FAF1: variants seen among roughly 807,000 people sequenced by gnomAD.
FAF1 encodes the protein Fas associated factor 1.
In FAF1, 25 loss-of-function variants were observed where a neutral mutation model predicts 92.5. The observed-to-expected ratio is 0.27, with a 90% CI of 0.20 to 0.38. The LOEUF is 0.38. Among genes scored for constraint, FAF1 ranks in the 10% least tolerant of loss-of-function variants. FAF1 has a pLI of 1.00. For missense variants in FAF1, 636 were observed against 793.3 expected, an observed-to-expected ratio of 0.80 and a Z score of 2.38; for synonymous variants, 234 against 273.2, an observed-to-expected ratio of 0.86 and a Z score of 1.42.
intron 1 of FAF1, among the ~76,000 whole-genome samples, chr1:50,933,315 C>T (rs953513034): frequency 6.6e-6 from 1 of 152,164 alleles, no homozygotes; most frequent in African/African-American, 2.4e-5. Flanking sequence ...TTTTGAATGC[C>T]TTGCTGCTTA....
intron 9 of FAF1, among the ~76,000 whole-genome samples, chr1:50,592,501 CTG>C (rs1306920755): frequency 3.3e-5 from 5 of 152,104 alleles, no homozygotes; most frequent in African/African-American, 9.7e-5. Context: ...CGTAAAGAAA[CTG>C]TGTCTGTAGG....
At chr1:50,777,161 C>CTGT (rs1660993863) in intron 4 of FAF1, among the ~76,000 whole-genome samples, 1 of 151,848 alleles carries the variant, frequency 6.6e-6, no homozygotes, top group Non-Finnish European at 1.5e-5. Context: ...CCTGTAATCC[C>CTGT]AGTCCTTTAG....
chr1:50,584,673 A>G lies in FAF1; in HGVS notation c.967+12T>C, dbSNP rs1651139975. The G allele has an allele frequency of 1.9e-6, 3 of 1,612,474 alleles. No homozygotes were observed. The highest frequency in any genetic ancestry group is 2.2e-5 in the East Asian group (1 of 44,836). On this transcript the variant is annotated intron_variant, in intron 10 of 18. Transcript: ENST00000396153. ...ATTCTATTGCTGGACCCAAAGAGCT[A>G]TTAATACTCACTCATTGGAGATTTT...
intron 2 of FAF1, among the ~76,000 whole-genome samples, chr1:50,813,261 T>C (rs563662547): frequency 5.3e-5 from 8 of 152,166 alleles, no homozygotes; most frequent in Non-Finnish European, 8.8e-5. Context: ...AAAAAAAATT[T>C]CATTTTTTAA....
intron 8 of FAF1, among the ~76,000 whole-genome samples, chr1:50,626,726 T>A (rs1346649766): frequency 6.6e-6 from 1 of 152,134 alleles, no homozygotes; most frequent in East Asian, 1.9e-4. Context: ...AAAAGTGTTA[T>A]TCTGATATAG....
At chr1:50,671,140 C>T (rs1297920042) in intron 7 of FAF1, among the ~76,000 whole-genome samples, 2 of 152,148 alleles carry the variant, frequency 1.3e-5, no homozygotes, top group African/African-American at 2.4e-5. Context: ...CACAGTGGCT[C>T]ATGCCTGTAA....
chr1:50,536,132 T>A (rs189028598), intron 14 of FAF1, among the ~76,000 whole-genome samples: 2 of 152,202 alleles, frequency 1.3e-5, no homozygotes, highest in Non-Finnish European at 2.9e-5. Context: ...TTTTGCCCAA[T>A]TGATATTTCT....
intron 6 of FAF1, among the ~76,000 whole-genome samples, chr1:50,712,733 TC>T (rs766066449): frequency 4.3e-4 from 65 of 152,282 alleles, no homozygotes; most frequent in Non-Finnish European, 7.4e-4. Flanking sequence ...GGCAAACTGA[TC>T]CTAGCTTCTA....
chr1:50,903,279 C>T (rs1223860348), intron 1 of FAF1, among the ~76,000 whole-genome samples: 1 of 152,132 alleles, frequency 6.6e-6, no homozygotes, highest in Non-Finnish European at 1.5e-5. Context: ...CCTTAATTAT[C>T]CCTACCCTCT....
chr1:50,738,968 AAC>A lies in FAF1; in HGVS notation c.460-16_460-15del, dbSNP rs754757794. The A allele has an allele frequency of 1.4e-6, 2 of 1,472,456 alleles. No individual in the cohort carries two copies. Among genetic ancestry groups the A allele is most frequent in the South Asian group, 1.2e-5 (1 of 81,224 alleles). 91.2% of individuals were successfully genotyped at this position (1,472,456 alleles called of 1,614,324 possible). ...TTTTAGGACCGTCTGAAAAAGAAAA[AAC>A]ACAGCAAAAAATGAATGTTGATGTT... is the stretch of plus-strand genomic sequence containing the variant. On this transcript the variant is annotated splice_polypyrimidine_tract_variant and intron_variant, in intron 5 of 18. Coordinates refer to ENST00000396153, the MANE Select transcript of FAF1 (RefSeq NM_007051.3).
intron 18 of FAF1, among the ~76,000 whole-genome samples, chr1:50,463,613 A>C (rs1646459473): frequency 6.6e-6 from 1 of 152,244 alleles, no homozygotes; most frequent in South Asian, 2.1e-4. Context: ...TAGGACTACT[A>C]TCTATGCTTT....
At chr1:50,733,115 A>T (rs1369574464) in intron 6 of FAF1, among the ~76,000 whole-genome samples, 1 of 152,202 alleles carries the variant, frequency 6.6e-6, no homozygotes, top group Non-Finnish European at 1.5e-5. Flanking sequence ...TGACCTAATA[A>T]GATAACATAT....
chr1:50,553,463 A>G (rs1000159470), intron 13 of FAF1, among the ~76,000 whole-genome samples: 7 of 152,212 alleles, frequency 4.6e-5, no homozygotes, highest in Non-Finnish European at 1.0e-4. Context: ...ACCCCAAATG[A>G]TCTTGTCAAT....
chr1:50,827,635 AAAAT>A lies in FAF1; in HGVS notation c.115-25962_115-25959del, dbSNP rs555516630. On this transcript the variant is annotated intron_variant, in intron 2 of 18. Transcript: ENST00000396153. The stretch of plus-strand genomic sequence containing the variant: ...CCCAAGAATGATCAATAAATACTAA[AAAAT>A]AAATAAATAAATAAATAAATAAATT... 3.0e-3 allele frequency among the ~76,000 whole-genome samples: 440 copies of A among 146,542 alleles called. 1 individual carries two copies. The highest frequency in any genetic ancestry group is 4.5e-3 in the Non-Finnish European group (308 of 67,970).
intron 7 of FAF1, among the ~76,000 whole-genome samples, chr1:50,688,827 T>A (rs541500227): frequency 1.3e-4 from 20 of 151,620 alleles, no homozygotes; most frequent in Non-Finnish European, 1.6e-4. Flanking sequence ...TAAAATAAAA[T>A]AAAAATAAAA....
intron 1 of FAF1, among the ~76,000 whole-genome samples, chr1:50,860,694 G>C (rs1159773244): frequency 2.0e-5 from 3 of 151,766 alleles, no homozygotes; most frequent in Non-Finnish European, 2.9e-5. Flanking sequence ...GCAGTTTGTA[G>C]ATTTCTCAAC....
At chr1:50,596,834 G>A (rs1651844186) in intron 8 of FAF1, among the ~76,000 whole-genome samples, 1 of 152,222 alleles carries the variant, frequency 6.6e-6, no homozygotes, top group African/African-American at 2.4e-5. Flanking sequence ...GTCAAAACTG[G>A]TTAATAAAGA....
chr1:50,898,647 A>G (rs1228331416), intron 1 of FAF1, among the ~76,000 whole-genome samples: 3 of 152,222 alleles, frequency 2.0e-5, no homozygotes, highest in African/African-American at 4.8e-5. Flanking sequence ...AGGACAGACC[A>G]CAAAAAACTA....
chr1:50,572,763 T>C (rs1327370235), intron 12 of FAF1, among the ~76,000 whole-genome samples: 1 of 152,196 alleles, frequency 6.6e-6, no homozygotes, highest in African/African-American at 2.4e-5. Flanking sequence ...AGTGAGGAAG[T>C]AAGGCTGGCA....
Sources: allele counts gnomAD v4.1 joint callset (sites outside exome capture counted in the v4.1 genomes callset), GRCh38; gene constraint gnomAD v4.1.1; transcripts MANE v1.5; gene names NCBI Gene and HGNC (gene_info 2026-07-23, HGNC 2026-07-21).